GRIK2: variants seen among roughly 807,000 people sequenced by gnomAD.
GRIK2 encodes glutamate ionotropic receptor kainate type subunit 2, also known as glutamate receptor ionotropic, kainate 2.
GRIK2 carries 32 observed loss-of-function variants against 100.3 expected under a neutral mutation model. The observed-to-expected ratio is 0.32, with a 90% CI of 0.24 to 0.43. The LOEUF (loss-of-function observed/expected upper bound fraction) is 0.43, where lower values mean the gene tolerates loss of function less well. GRIK2 is among the 20% of genes least tolerant of loss of function. The pLI is 1.00. For missense variants in GRIK2, 843 were observed against 1,114.9 expected, an observed-to-expected ratio of 0.76 and a Z score of 3.47; for synonymous variants, 417 against 389.4, an observed-to-expected ratio of 1.07 and a Z score of -0.83.
intron 4 of GRIK2, among the ~76,000 whole-genome samples, chr6:101,655,978 A>T (rs961871936): frequency 2.0e-5 from 3 of 152,010 alleles, no homozygotes; most frequent in African/African-American, 7.2e-5. Context: ...GATTTACGGG[A>T]AAGTGGTAAA....
chr6:101,531,477 G>A (rs1775441076), intron 2 of GRIK2, among the ~76,000 whole-genome samples: 1 of 151,884 alleles, frequency 6.6e-6, no homozygotes, highest in Non-Finnish European at 1.5e-5. Flanking sequence ...AGTTGTTATA[G>A]AAGATAAGGT....
intron 4 of GRIK2, among the ~76,000 whole-genome samples, chr6:101,643,940 T>C (rs187945287): frequency 6.6e-6 from 1 of 151,928 alleles, no homozygotes; most frequent in Non-Finnish European, 1.5e-5. Flanking sequence ...ATAGATTCTT[T>C]CTATAGCAGT....
intron 7 of GRIK2, among the ~76,000 whole-genome samples, chr6:101,699,149 C>A (rs1022471991): frequency 6.6e-6 from 1 of 152,116 alleles, no homozygotes; most frequent in African/African-American, 2.4e-5. Flanking sequence ...AAAGTGCTAC[C>A]ACAGTGCTAG....
At chr6:101,858,613 T>C (rs1438516912) in intron 10 of GRIK2, among the ~76,000 whole-genome samples, 2 of 151,870 alleles carry the variant, frequency 1.3e-5, no homozygotes, top group Non-Finnish European at 2.9e-5. Context: ...ATGGTCTTGA[T>C]CTCCTGACCT....
At chr6:101,397,700 C>T (rs1159483146) in intron 1 of GRIK2, among the ~76,000 whole-genome samples, 1 of 151,944 alleles carries the variant, frequency 6.6e-6, no homozygotes, top group African/African-American at 2.4e-5. Flanking sequence ...AATAGCAAGT[C>T]GAATATTCAT....
intron 14 of GRIK2, among the ~76,000 whole-genome samples, chr6:101,992,810 T>G (rs1031596114): frequency 5.3e-5 from 8 of 151,550 alleles, no homozygotes; most frequent in Non-Finnish European, 8.9e-5. Context: ...TTAAATAAAC[T>G]TATAAAACTT....
intron 7 of GRIK2, among the ~76,000 whole-genome samples, chr6:101,711,558 A>C (rs1773697522): frequency 6.6e-6 from 1 of 151,862 alleles, no homozygotes; most frequent in Admixed American, 6.6e-5. Flanking sequence ...CTTTGTTCTT[A>C]CTTATACTTT....
At chr6:101,467,001 T>C (rs1771682942) in intron 2 of GRIK2, among the ~76,000 whole-genome samples, 1 of 152,202 alleles carries the variant, frequency 6.6e-6, no homozygotes, top group African/African-American at 2.4e-5. Flanking sequence ...CTAATATACA[T>C]GATAGTAGCT....
intron 2 of GRIK2, among the ~76,000 whole-genome samples, chr6:101,490,744 AG>A (rs1773060546): frequency 6.8e-6 from 1 of 146,802 alleles, no homozygotes; most frequent in Non-Finnish European, 1.5e-5. Context: ...CTTGTAACAA[AG>A]AAACCAATAG....
chr6:101,580,899 C>T (rs1346588005), intron 2 of GRIK2, among the ~76,000 whole-genome samples: 1 of 152,100 alleles, frequency 6.6e-6, no homozygotes, highest in Non-Finnish European at 1.5e-5. Context: ...TGATGATTTG[C>T]ATGATCATTC....
At chr6:102,034,903 A>T (rs1407563904) in intron 14 of GRIK2, among the ~76,000 whole-genome samples, 3 of 151,366 alleles carry the variant, frequency 2.0e-5, no homozygotes, top group Non-Finnish European at 4.4e-5. Flanking sequence ...GAAAACAAAC[A>T]AACTCTTGGA....
At chr6:101,758,853 A>G (rs1777303266) in intron 7 of GRIK2, among the ~76,000 whole-genome samples, 1 of 152,022 alleles carries the variant, frequency 6.6e-6, no homozygotes, top group Non-Finnish European at 1.5e-5. Context: ...AGCTTTTTGG[A>G]GACAAAATAA....
intron 4 of GRIK2, among the ~76,000 whole-genome samples, chr6:101,648,070 C>A (rs1298749095): frequency 6.6e-6 from 1 of 152,030 alleles, no homozygotes; most frequent in Non-Finnish European, 1.5e-5. Flanking sequence ...CCCCTAGAGG[C>A]AACATCACCC....
intron 2 of GRIK2, among the ~76,000 whole-genome samples, chr6:101,435,270 C>T (rs1769647381): frequency 6.6e-6 from 1 of 152,068 alleles, no homozygotes; most frequent in African/African-American, 2.4e-5. Flanking sequence ...TGATGTGGCA[C>T]TTTCTGCTAT....
chr6:101,912,835 T>A (rs1252809790), intron 12 of GRIK2, among the ~76,000 whole-genome samples: 3 of 151,616 alleles, frequency 2.0e-5, no homozygotes, highest in Non-Finnish European at 4.4e-5. Flanking sequence ...AAACCAGTCA[T>A]ATTTTAGATC....
chr6:101,827,260 G>A (rs2764222), intron 10 of GRIK2, among the ~76,000 whole-genome samples: 44,610 of 151,628 alleles, frequency 0.29, 9,257 homozygotes, highest in East Asian at 0.64. Context: ...ATCACTCCTG[G>A]CAAAGATTGC....
At chr6:101,780,166 C>T (rs1186472226) in intron 7 of GRIK2, among the ~76,000 whole-genome samples, 2 of 149,256 alleles carry the variant, frequency 1.3e-5, no homozygotes, top group East Asian at 5.2e-4. Flanking sequence ...ACTACAATAA[C>T]TTTTATTGGA....
rs1785532527 is a variant in GRIK2 at position 101,873,012 on chromosome 6, G to T, written c.1524+13519G>T. Among the ~76,000 whole-genome samples the T allele has an allele frequency of 2.6e-5, 4 of 151,852 alleles. No homozygotes were observed. In the South Asian group the frequency reaches 8.3e-4, roughly 32 times the overall value. Reference sequence around the variant, plus strand: ...TTCTTGATTCTGGTTCTGAATCTTAGTTATATAGGTCCCCAATGCTTATTA... The same window carrying T: ...TTCTTGATTCTGGTTCTGAATCTTATTTATATAGGTCCCCAATGCTTATTA... On this transcript the variant is annotated intron_variant, in intron 11 of 16. Transcript: ENST00000369134.
intron 4 of GRIK2, among the ~76,000 whole-genome samples, chr6:101,645,710 T>C (rs564044375): frequency 6.6e-6 from 1 of 152,038 alleles, no homozygotes; most frequent in East Asian, 1.9e-4. Flanking sequence ...ATAGATCTGA[T>C]TTTACAAGTT....
Sources: gnomAD v4.1 joint callset for allele counts (sites outside exome capture counted in the v4.1 genomes callset) on GRCh38, gnomAD v4.1.1 for gene constraint, MANE v1.5 for transcripts, NCBI Gene and HGNC (gene_info 2026-07-23, HGNC 2026-07-21) for gene names.